EPB41L2: variants seen among roughly 807,000 people sequenced by gnomAD.
EPB41L2 encodes the protein erythrocyte membrane protein band 4.1 like 2, also known as band 4.1-like protein 2.
A neutral mutation model predicts 113.0 loss-of-function variants in EPB41L2; 43 were observed. The ratio of observed to expected loss-of-function variants is 0.38; its 90% confidence interval spans 0.30 to 0.49. The LOEUF (loss-of-function observed/expected upper bound fraction) is 0.49, where lower values mean the gene tolerates loss of function less well. Among genes scored for constraint, EPB41L2 ranks in the 20% least tolerant of loss-of-function variants. The pLI, the probability that EPB41L2 is intolerant of heterozygous loss-of-function variation, is 0.95. For missense variants in EPB41L2, 1,147 were observed against 1,223.4 expected (o/e 0.94, Z 0.93); for synonymous variants, 442 against 436.7 (o/e 1.01, Z -0.15).
chr6:130,982,240 C>T (rs1779535980), intron 1 of EPB41L2, among the ~76,000 whole-genome samples: 1 of 152,124 alleles, frequency 6.6e-6, no homozygotes, highest in Non-Finnish European at 1.5e-5. Context: ...TATAGCAACA[C>T]CAACAAATAC....
chr6:130,990,929 CA>C (rs1443823467), intron 1 of EPB41L2, among the ~76,000 whole-genome samples: 1 of 151,406 alleles, frequency 6.6e-6, no homozygotes, highest in Non-Finnish European at 1.5e-5. Context: ...AGGGTTCAAG[CA>C]ATTCTCCTGC....
rs925997596 is a variant in EPB41L2, at chr6:130,989,860, G to GA, written c.-14-33362dup. On this transcript the variant is annotated intron_variant, in intron 1 of 19. Transcript: ENST00000337057. ...AAGACACATGGCCAAAGACATTTGG[G>GA]AATTAAGAGAGCAAGGGAAAGCTAA... 6.4e-4 allele frequency among the ~76,000 whole-genome samples: 97 copies of GA among 152,260 alleles called. 3 individuals are homozygous for GA. Among genetic ancestry groups the GA allele is most frequent in the Non-Finnish European group, 2.2e-4 (15 of 68,020 alleles).
intron 3 of EPB41L2, among the ~76,000 whole-genome samples, chr6:130,939,901 A>G (rs1027791739): frequency 6.6e-6 from 1 of 152,206 alleles, no homozygotes; most frequent in African/African-American, 2.4e-5. Flanking sequence ...TAGACTTCCA[A>G]TTAAAGATGG....
intron 1 of EPB41L2, among the ~76,000 whole-genome samples, chr6:131,011,074 C>T (rs1188247351): frequency 6.6e-6 from 1 of 152,170 alleles, no homozygotes; most frequent in Non-Finnish European, 1.5e-5. Flanking sequence ...TCTCCTCTAC[C>T]ATTCATTCAC....
chr6:130,870,086 C>G lies in EPB41L2; in HGVS notation c.2084G>C (p.Arg695Pro), dbSNP rs753274531. The change falls in exon 15 of 20, where the codon CGG (arginine) becomes CCG (proline). Residue 695 changes from arginine to proline, a missense_variant. Coordinates refer to ENST00000337057, the MANE Select transcript of EPB41L2 (RefSeq NM_001431.4). The stretch of plus-strand genomic sequence containing the variant: ...TCTTTCGTCTTTCCCAACCTCTGCC[C>G]GCTTCTTCTCCTCCACTATATTCAG... ...ETLNIVEEKK[R>P]AEVGKDERVI... The G allele has an allele frequency of 1.2e-6, 2 of 1,613,656 alleles. No homozygotes were observed. The highest frequency in any genetic ancestry group is 1.7e-6 in the Non-Finnish European group (2 of 1,179,786).
At chr6:130,905,731 T>A (rs1797541236) in intron 5 of EPB41L2, among the ~76,000 whole-genome samples, 1 of 152,180 alleles carries the variant, frequency 6.6e-6, no homozygotes, top group Non-Finnish European at 1.5e-5. Flanking sequence ...AGTTATTCCA[T>A]TCTATACATA....
At chr6:130,977,267 A>C (rs1319246715) in intron 1 of EPB41L2, among the ~76,000 whole-genome samples, 1 of 152,250 alleles carries the variant, frequency 6.6e-6, no homozygotes. Flanking sequence ...GAATCAAAGT[A>C]GTTCAGAGCT....
At chr6:131,062,363 C>T (rs1233706686) in intron 1 of EPB41L2, 1 of 152,068 alleles carries the variant, frequency 6.6e-6, no homozygotes, top group Non-Finnish European at 1.5e-5. Flanking sequence ...TTCTCCTCGC[C>T]CTTCCCCGCT....
At chr6:130,969,678 T>C (rs1457688039) in intron 1 of EPB41L2, among the ~76,000 whole-genome samples, 1 of 152,140 alleles carries the variant, frequency 6.6e-6, no homozygotes, top group African/African-American at 2.4e-5. Context: ...TGAACTCAAA[T>C]CTCTGATAGC....
rs149245126 is a variant in EPB41L2, at chr6:130,859,876, T to C, written c.2911-1633A>G. On this transcript the variant is annotated intron_variant, in intron 18 of 19. Transcript: ENST00000337057. Reference sequence around the variant, plus strand: ...TTGTGAGTGACCTGTGTTGGGACAATAGAGAAATAAAACATGGAACCAGAC... The same window carrying C: ...TTGTGAGTGACCTGTGTTGGGACAACAGAGAAATAAAACATGGAACCAGAC... 1.1e-4 allele frequency among the ~76,000 whole-genome samples: 16 copies of C among 151,868 alleles called. 1 individual carries two copies. The East Asian group carries it at 1.7e-3, about 17-fold the overall frequency.
chr6:131,013,281 T>C (rs1787472109), intron 1 of EPB41L2, among the ~76,000 whole-genome samples: 1 of 151,736 alleles, frequency 6.6e-6, no homozygotes, highest in Non-Finnish European at 1.5e-5. Context: ...TCCTGTAAAA[T>C]ACATGCCTAA....
chr6:130,993,782 A>G (rs1782441693), intron 1 of EPB41L2, among the ~76,000 whole-genome samples: 1 of 152,132 alleles, frequency 6.6e-6, no homozygotes, highest in African/African-American at 2.4e-5. Context: ...TTTCATTCCT[A>G]TCTATTTGGT....
At chr6:130,889,103 A>G (rs138916088) in intron 11 of EPB41L2, among the ~76,000 whole-genome samples, 2 of 152,220 alleles carry the variant, frequency 1.3e-5, no homozygotes. Context: ...GAAAAATACA[A>G]TAGACAAGAA....
chr6:130,964,942 C>A (rs1391680581), intron 1 of EPB41L2, among the ~76,000 whole-genome samples: 2 of 152,126 alleles, frequency 1.3e-5, no homozygotes, highest in Non-Finnish European at 2.9e-5. Context: ...GCCTTCAATC[C>A]CAAAACGACT....
At chr6:131,008,722 G>T (rs1309460515) in intron 1 of EPB41L2, among the ~76,000 whole-genome samples, 1 of 152,236 alleles carries the variant, frequency 6.6e-6, no homozygotes, top group African/African-American at 2.4e-5. Context: ...TCATGATCTG[G>T]ATGTGAGACA....
intron 12 of EPB41L2, chr6:130,880,751 T>C (rs1583019327): frequency 2.6e-6 from 1 of 385,020 alleles, no homozygotes; most frequent in East Asian, 3.7e-5. Flanking sequence ...GATTATGCTC[T>C]GCTTTTGAAT....
At chr6:130,946,794 G>GC (rs905902991) in intron 3 of EPB41L2, among the ~76,000 whole-genome samples, 3 of 151,960 alleles carry the variant, frequency 2.0e-5, no homozygotes, top group African/African-American at 7.3e-5. Flanking sequence ...AAACAAAAAT[G>GC]CCCCCATGAA....
intron 3 of EPB41L2, among the ~76,000 whole-genome samples, chr6:130,928,922 C>T (rs976524746): frequency 5.3e-5 from 8 of 152,204 alleles, no homozygotes; most frequent in Non-Finnish European, 8.8e-5. Context: ...CCTCAACCAA[C>T]CATAGCAGTA....
intron 1 of EPB41L2, chr6:131,000,656 T>G (rs1419119371): frequency 6.6e-6 from 1 of 152,184 alleles, no homozygotes; most frequent in Non-Finnish European, 1.5e-5. Context: ...AAACCATAGA[T>G]CTCCTCAGAA....
Sources: allele counts gnomAD v4.1 joint callset (sites outside exome capture counted in the v4.1 genomes callset), GRCh38; gene constraint gnomAD v4.1.1; transcripts MANE v1.5; gene names NCBI Gene and HGNC (gene_info 2026-07-23, HGNC 2026-07-21).